Variants in CD44 observed in about 807,000 individuals in gnomAD.
CD44 encodes the protein CD44 molecule (IN blood group), also known as CD44 antigen.
A neutral mutation model predicts 88.8 loss-of-function variants in CD44; 49 were observed. The observed-to-expected ratio is 0.55, with a 90% CI of 0.44 to 0.70. The LOEUF (loss-of-function observed/expected upper bound fraction) is 0.70, where lower values mean the gene tolerates loss of function less well. CD44 is among the 30% of genes least tolerant of loss of function. CD44 has a pLI of 0.00. For synonymous variants in CD44, 325 were observed against 312.3 expected, an observed-to-expected ratio of 1.04 and a Z score of -0.43; for missense variants, 883 against 913.8, an observed-to-expected ratio of 0.97 and a Z score of 0.43.
rs1031372965 is a variant in CD44 at position 35,186,818 on chromosome 11, T to C, written c.368-14T>C. Reference sequence around the variant, plus strand: ...TTTTTAAAGGGTTCTCATCCTTTTTTTCCTACCTCATAGCTCCACCTGAAG... The same window carrying C: ...TTTTTAAAGGGTTCTCATCCTTTTTCTCCTACCTCATAGCTCCACCTGAAG... On this transcript the variant is annotated splice_polypyrimidine_tract_variant and intron_variant, in intron 3 of 17. Transcript: ENST00000428726. 1.9e-6 allele frequency: 3 copies of C among 1,565,952 alleles called. No homozygotes were observed. The highest frequency in any genetic ancestry group is 1.7e-5 in the Admixed American group (1 of 59,970).
intron 10 of CD44, chr11:35,204,924 A>G (rs1164727146): frequency 1.3e-5 from 4 of 306,492 alleles, no homozygotes; most frequent in Non-Finnish European, 2.5e-5. Context: ...ATCTAGTGAG[A>G]TTGTAGCAGA....
At chr11:35,217,925 C>A (rs1338246016) in intron 15 of CD44, among the ~76,000 whole-genome samples, 3 of 151,950 alleles carry the variant, frequency 2.0e-5, no homozygotes, top group Non-Finnish European at 4.4e-5. Context: ...TTAGAAGTTT[C>A]TTTTTTAAAA....
At chr11:35,139,988 T>A (rs1857583021) in intron 1 of CD44, among the ~76,000 whole-genome samples, 1 of 152,094 alleles carries the variant, frequency 6.6e-6, no homozygotes, top group South Asian at 2.1e-4. Context: ...TGCGGTGAGG[T>A]CTTGGGTCTC....
Position 35,141,315 on chromosome 11 carries a change from AT to A in CD44, c.67+1948del, listed in dbSNP as rs76550759. On this transcript the variant is annotated intron_variant, in intron 1 of 17. Coordinates refer to ENST00000428726, the MANE Select transcript of CD44 (RefSeq NM_000610.4). Reference sequence around the variant, plus strand: ...GTATAAGATGGACGAACTTGGAAGGATTTCAGGGAGGGAAGGATTTTGGTGG... The same window carrying A: ...GTATAAGATGGACGAACTTGGAAGGATTCAGGGAGGGAAGGATTTTGGTGG... Among the ~76,000 whole-genome samples, 758 of 152,302 alleles carry A rather than the reference AT, an allele frequency of 5.0e-3. 11 individuals are homozygous for A. Among genetic ancestry groups the A allele is most frequent in the East Asian group, 0.042 (218 of 5,178 alleles).
chr11:35,214,535 G>T, intron 14 of CD44: 1 of 254,020 alleles, frequency 3.9e-6, no homozygotes, highest in Non-Finnish European at 7.4e-6. Context: ...ATTTTTGTTA[G>T]CATGTTCCTT....
At chr11:35,221,836 G>C (rs1322419159) in intron 17 of CD44, 104 bp downstream of exon 17, 1 of 1,032,292 alleles carries the variant, frequency 9.7e-7, no homozygotes, top group Non-Finnish European at 1.5e-6. Context: ...CAGCAGCCTG[G>C]GTACCCTGGG....
At position 35,214,927 on chromosome 11, in the gene CD44, C is replaced by G. The variant is rs776185612; in HGVS notation, c.1873+13C>G. On this transcript the variant is annotated intron_variant, in intron 15 of 17. Coordinates refer to ENST00000428726, the MANE Select transcript of CD44 (RefSeq NM_000610.4). ...TCTGAATCAGATGGTGAGTTCAAAA[C>G]TGCTTTAGTCATTTACTGTTATAAT... 18 of 1,512,486 alleles carry G rather than the reference C, an allele frequency of 1.2e-5. No homozygotes were observed. In the African/African-American group the frequency reaches 2.5e-4, roughly 21 times the overall value. The allele number at this position is 1,512,486 out of a possible 1,614,324, so 93.7% of individuals were successfully genotyped here.
At chr11:35,203,223 C>T (rs1947477879) in intron 9 of CD44, among the ~76,000 whole-genome samples, 2 of 152,082 alleles carry the variant, frequency 1.3e-5, no homozygotes, top group African/African-American at 4.8e-5. Context: ...TTTGCTAACC[C>T]ATTCCTATTT....
At position 35,180,309 on chromosome 11, in the gene CD44, G is replaced by A. The variant is rs757501266; in HGVS notation, c.269G>A (p.Arg90Gln). ...GFIEGHVVIP[R>Q]IHPNSICAAN... ...ATAGAAGGGCACGTGGTGATTCCCCGGATCCACCCCAACTCCATCTGTGCA... is the reference window on the plus strand; with the variant it reads ...ATAGAAGGGCACGTGGTGATTCCCCAGATCCACCCCAACTCCATCTGTGCA... Residue 90 changes from arginine (R) to glutamine (Q), a missense_variant, in exon 3 of 18, where the codon CGG (arginine) becomes CAG (glutamine). Physicochemically the swap from Arg to Gln is conservative, Grantham distance 43. Transcript: ENST00000428726. 2 of 1,613,896 alleles carry A rather than the reference G, an allele frequency of 1.2e-6. No homozygotes were observed. Among genetic ancestry groups the A allele is most frequent in the Admixed American group, 1.7e-5 (1 of 59,994 alleles).
Position 35,139,354 on chromosome 11 carries a change from G to C in CD44, c.51G>C (p.Leu17=), listed in dbSNP as rs962265363. The C allele has an allele frequency of 6.4e-7, 1 of 1,560,578 alleles. No homozygotes were observed. Among genetic ancestry groups the C allele is most frequent in the Non-Finnish European group, 8.7e-7 (1 of 1,151,982 alleles). The part of the protein sequence containing the change: ...HAAWGLCLVP[L]SLAQIDLNIT... ...CCTGGGGACTCTGCCTCGTGCCGCT[G>C]AGCCTGGCGCAGATCGGTGAGTGCC... is the stretch of plus-strand genomic sequence containing the variant. Residue 17 remains leucine (L), a synonymous_variant, in exon 1 of 18, where the codon CTG becomes CTC. Coordinates refer to ENST00000428726, the MANE Select transcript of CD44 (RefSeq NM_000610.4).
chr11:35,204,340 A>T (rs529979706), intron 9 of CD44, among the ~76,000 whole-genome samples, 172 bp from the exon 10 acceptor site: 22 of 152,304 alleles, frequency 1.4e-4, no homozygotes, highest in African/African-American at 4.8e-4. Flanking sequence ...AAACATTTGG[A>T]TCATTTGATT....
chr11:35,159,282 C>T (rs1260878466), intron 1 of CD44, among the ~76,000 whole-genome samples: 1 of 152,180 alleles, frequency 6.6e-6, no homozygotes, highest in African/African-American at 2.4e-5. Flanking sequence ...CTGCTGTCCT[C>T]TAAAGAAAAC....
Position 35,208,125 on chromosome 11 carries a change from A to G in CD44, c.1435A>G (p.Ile479Val), listed in dbSNP as rs1212142269. 2.5e-6 allele frequency: 4 copies of G among 1,608,168 alleles called. No individual in the cohort carries two copies. Among genetic ancestry groups the G allele is most frequent in the Non-Finnish European group, 1.7e-6 (2 of 1,174,660 alleles). Reference sequence around the variant, plus strand: ...TTCAGATATGGACTCCAGTCATAGTATAACGCTTCAGCCTACTGCAAATCC... The same window carrying G: ...TTCAGATATGGACTCCAGTCATAGTGTAACGCTTCAGCCTACTGCAAATCC... ...RRMDMDSSHSITLQPTANPNT... is the reference protein window; with the variant it reads ...RRMDMDSSHSVTLQPTANPNT... Residue 479 changes from isoleucine to valine, a missense_variant, in exon 12 of 18, where the codon ATA (isoleucine) becomes GTA (valine). Ile to Val is a conservative substitution (Grantham distance 29). Around this residue, in one of 2 missense-constraint regions of CD44, gnomAD observed 631 missense variants for 590.9 expected, o/e 1.07. Transcript: ENST00000428726.
chr11:35,213,896 C>G (rs946554136), intron 14 of CD44: 2 of 152,148 alleles, frequency 1.3e-5, no homozygotes, highest in East Asian at 3.9e-4. Context: ...TCCACCTTCT[C>G]TAATCAAGGA....
intron 1 of CD44, among the ~76,000 whole-genome samples, chr11:35,165,829 C>A (rs1943201444): frequency 6.6e-6 from 1 of 152,102 alleles, no homozygotes; most frequent in Non-Finnish European, 1.5e-5. Context: ...GATGGGGGCC[C>A]CCGGCTTATC....
rs372078003 is a variant in CD44, at chr11:35,201,241, G to T, written c.1036+46G>T. The T allele has an allele frequency of 3.5e-5, 45 of 1,292,376 alleles. No homozygotes were observed. In the African/African-American group the frequency reaches 5.8e-4, roughly 17 times the overall value. 80.1% of individuals were successfully genotyped at this position (1,292,376 alleles called of 1,614,324 possible). ...AATGAAAGATTTTTTTCCCCTCAAA[G>T]CCCATGATGCTGCAAAGGTCAATCA... is the stretch of plus-strand genomic sequence containing the variant. On this transcript the variant is annotated intron_variant, in intron 8 of 17. Coordinates refer to ENST00000428726, the MANE Select transcript of CD44 (RefSeq NM_000610.4).
At chr11:35,154,637 C>T (rs1181106824) in intron 1 of CD44, among the ~76,000 whole-genome samples, 1 of 152,190 alleles carries the variant, frequency 6.6e-6, no homozygotes, top group Admixed American at 6.5e-5. Flanking sequence ...ACATCTTTCT[C>T]ACTCACTTTT....
At chr11:35,223,733 A>G (rs1478859129) in intron 17 of CD44, among the ~76,000 whole-genome samples, 2 of 152,222 alleles carry the variant, frequency 1.3e-5, no homozygotes, top group Non-Finnish European at 2.9e-5. Flanking sequence ...CGCAGCTAAA[A>G]GGTGGTGAAC....
intron 9 of CD44, among the ~76,000 whole-genome samples, chr11:35,203,169 T>C (rs928316028): frequency 1.3e-5 from 2 of 152,218 alleles, no homozygotes; most frequent in Non-Finnish European, 2.9e-5. Flanking sequence ...TCACAACTTC[T>C]AGAAGAAAGT....
Sources: allele counts gnomAD v4.1 joint callset (sites outside exome capture counted in the v4.1 genomes callset), GRCh38; gene constraint gnomAD v4.1.1; regional missense constraint gnomAD v4.1.1; transcripts MANE v1.5; gene names NCBI Gene and HGNC (gene_info 2026-07-23, HGNC 2026-07-21).